Variants in EXOC4 observed in about 807,000 individuals in gnomAD.
EXOC4 encodes the protein SEC8-like 1.
A neutral mutation model predicts 107.2 loss-of-function variants in EXOC4; 71 were observed. The ratio of observed to expected loss-of-function variants is 0.66; its 90% CI spans 0.55 to 0.81. The LOEUF (loss-of-function observed/expected upper bound fraction) is 0.81. Among genes scored for constraint, EXOC4 ranks in the 30% least tolerant of loss-of-function variants. EXOC4 has a pLI of 0.00. For missense variants in EXOC4, 1,108 were observed against 1,189.6 expected, an observed-to-expected ratio of 0.93 and a Z score of 1.01; for synonymous variants, 456 against 441.2, an observed-to-expected ratio of 1.03 and a Z score of -0.42.
At chr7:133,274,902 AT>A in intron 1 of EXOC4, 79 bp from the exon 2 acceptor site, 1 of 1,173,460 alleles carries the variant, frequency 8.5e-7, no homozygotes, top group Non-Finnish European at 1.2e-6. Flanking sequence ...TTCCTTTTGC[AT>A]TTTACTTTCT....
At chr7:133,307,928 A>T (rs572796183) in intron 4 of EXOC4, among the ~76,000 whole-genome samples, 16 of 152,368 alleles carry the variant, frequency 1.1e-4, no homozygotes, top group African/African-American at 3.6e-4. Context: ...GTGGTTGTAT[A>T]CAGTAAGCGC....
intron 12 of EXOC4, among the ~76,000 whole-genome samples, chr7:133,900,013 C>T (rs1004216383): frequency 1.3e-5 from 2 of 152,138 alleles, no homozygotes; most frequent in Non-Finnish European, 2.9e-5. Flanking sequence ...CTCGGCCTCA[C>T]CAAGTGCCCA....
At chr7:133,286,638 A>C (rs1794284430) in intron 2 of EXOC4, among the ~76,000 whole-genome samples, 1 of 152,224 alleles carries the variant, frequency 6.6e-6, no homozygotes, top group Non-Finnish European at 1.5e-5. Context: ...AAATGTCACT[A>C]TCTGTATAGG....
At chr7:133,821,580 C>A (rs1288787333) in intron 11 of EXOC4, among the ~76,000 whole-genome samples, 1 of 152,008 alleles carries the variant, frequency 6.6e-6, no homozygotes, top group African/African-American at 2.4e-5. Context: ...TTTCTTTTTT[C>A]TAGCAATTCA....
chr7:133,823,863 A>AT (rs1414523210), intron 11 of EXOC4, among the ~76,000 whole-genome samples: 1 of 17,046 alleles, frequency 5.9e-5, no homozygotes, highest in Non-Finnish European at 8.8e-5. Context: ...ATATATATAT[A>AT]TATATATATT....
At chr7:133,933,028 G>C (rs937758608) in intron 13 of EXOC4, among the ~76,000 whole-genome samples, 2 of 148,796 alleles carry the variant, frequency 1.3e-5, no homozygotes, top group African/African-American at 5.1e-5. Context: ...AATTGCATCA[G>C]GTCTGCTGAA....
chr7:133,668,296 A>G lies in EXOC4; in HGVS notation c.1514+38155A>G, dbSNP rs555047171. ...CAATAAAAATGTATACATACAGAAT[A>G]TTCAGTGGTCATCTTTCGGTCGTGT... On this transcript the variant is annotated intron_variant, in intron 10 of 17. Coordinates refer to ENST00000253861, the MANE Select transcript of EXOC4 (RefSeq NM_021807.4). Among the ~76,000 whole-genome samples, 3 of 152,356 alleles carry G rather than the reference A, an allele frequency of 2.0e-5. No individual in the cohort carries two copies. In the East Asian group the frequency reaches 5.8e-4, roughly 29 times the overall value.
At chr7:134,089,117 A>G in the EXOC4 span, among the ~76,000 whole-genome samples, 7 of 152,284 alleles carry the variant, frequency 4.6e-5, no homozygotes, top group East Asian at 9.6e-4. Context: ...TTTTATTCCA[A>G]TGTTCAATTT....
intron 11 of EXOC4, among the ~76,000 whole-genome samples, chr7:133,855,049 C>A (rs58013570): frequency 0.011 from 613 of 53,726 alleles, 9 homozygotes; most frequent in African/African-American, 0.072. Context: ...ATATATATAT[C>A]TAAATATATC....
chr7:133,580,272 T>C (rs1801224686), intron 9 of EXOC4, among the ~76,000 whole-genome samples: 1 of 152,236 alleles, frequency 6.6e-6, no homozygotes, highest in African/African-American at 2.4e-5. Context: ...TTTCAGCTTT[T>C]GGCTTTTGTG....
At chr7:133,355,071 T>C (rs1472243097) in intron 5 of EXOC4, among the ~76,000 whole-genome samples, 2 of 152,184 alleles carry the variant, frequency 1.3e-5, no homozygotes, top group Non-Finnish European at 2.9e-5. Flanking sequence ...GTAGAGGTTT[T>C]ATGGACTTTG....
At chr7:133,999,665 G>A (rs62470455) in intron 15 of EXOC4, among the ~76,000 whole-genome samples, 1 of 152,150 alleles carries the variant, frequency 6.6e-6, no homozygotes, top group Non-Finnish European at 1.5e-5. Flanking sequence ...GCTGTTACCT[G>A]AGTTACAAAG....
At chr7:134,047,032 G>T (rs1309023396) in intron 17 of EXOC4, among the ~76,000 whole-genome samples, 1 of 152,146 alleles carries the variant, frequency 6.6e-6, no homozygotes, top group African/African-American at 2.4e-5. Context: ...TGATCAAATT[G>T]GTACTGCTCT....
the EXOC4 span, among the ~76,000 whole-genome samples, chr7:134,085,321 A>G: frequency 8.3e-6 from 1 of 120,626 alleles, no homozygotes; most frequent in African/African-American, 3.0e-5. Flanking sequence ...TGGCCAAAAA[A>G]ACAAAAACAA....
chr7:134,016,490 A>G (rs1794911521), intron 17 of EXOC4, among the ~76,000 whole-genome samples: 1 of 152,218 alleles, frequency 6.6e-6, no homozygotes, highest in Non-Finnish European at 1.5e-5. Flanking sequence ...TACTTTCACC[A>G]TAAATTGATA....
intron 5 of EXOC4, among the ~76,000 whole-genome samples, chr7:133,324,304 G>A (rs1795184009): frequency 6.6e-6 from 1 of 152,112 alleles, no homozygotes; most frequent in Non-Finnish European, 1.5e-5. Context: ...TGTGTTGTTA[G>A]GGTGTCAATT....
intron 9 of EXOC4, among the ~76,000 whole-genome samples, chr7:133,621,809 TG>T (rs1802336290): frequency 6.6e-6 from 1 of 152,354 alleles, no homozygotes; most frequent in African/African-American, 2.4e-5. Context: ...ATGTGAGTTT[TG>T]AAGGGGACAT....
intron 14 of EXOC4, among the ~76,000 whole-genome samples, chr7:133,972,568 T>C (rs1801267648): frequency 6.6e-6 from 1 of 152,238 alleles, no homozygotes; most frequent in Non-Finnish European, 1.5e-5. Flanking sequence ...AATTGCTTTA[T>C]TAAGTTCAAA....
At chr7:133,493,549 G>A (rs1427188100) in intron 9 of EXOC4, among the ~76,000 whole-genome samples, 1 of 152,176 alleles carries the variant, frequency 6.6e-6, no homozygotes, top group African/African-American at 2.4e-5. Flanking sequence ...TCACACATAG[G>A]AGGCACTCAG....
Sources: gnomAD v4.1 joint callset for allele counts (sites outside exome capture counted in the v4.1 genomes callset) on GRCh38, gnomAD v4.1.1 for gene constraint, MANE v1.5 for transcripts, NCBI Gene and HGNC (gene_info 2026-07-23, HGNC 2026-07-21) for gene names.